MAL2: variants seen among roughly 807,000 people sequenced by gnomAD.
The protein encoded by MAL2 is mal, T cell differentiation protein 2, also known as protein MAL2.
A neutral mutation model predicts 18.1 loss-of-function variants in MAL2; 17 were observed. The observed-to-expected ratio is 0.94, with a 90% CI of 0.64 to 1.41. The LOEUF (loss-of-function observed/expected upper bound fraction) is 1.41, where lower values mean the gene tolerates loss of function less well. Among genes scored for constraint, MAL2 ranks in the 40% most tolerant of loss-of-function variants. The pLI is 0.00. For synonymous variants in MAL2, 102 were observed against 102.3 expected, an observed-to-expected ratio of 1.00 and a Z score of 0.02; for missense variants, 222 against 231.9, an observed-to-expected ratio of 0.96 and a Z score of 0.28.
intron 2 of MAL2, among the ~76,000 whole-genome samples, chr8:119,235,736 C>T (rs1817874579): frequency 6.7e-6 from 1 of 149,104 alleles, no homozygotes; most frequent in Non-Finnish European, 1.5e-5. Context: ...TACAGACAAG[C>T]AAATGCTGAG....
rs1193188305 is a variant in MAL2, at chr8:119,236,804, G to A, written c.304-3361G>A. ...ACCCATTCAAAGCAGTGTGTAGAGGGAAATTTATAACACTAAATGCCCACA... is the reference window on the plus strand; with the variant it reads ...ACCCATTCAAAGCAGTGTGTAGAGGAAAATTTATAACACTAAATGCCCACA... On this transcript the variant is annotated intron_variant, in intron 2 of 3. Transcript: ENST00000614891. Among the ~76,000 whole-genome samples the A allele has an allele frequency of 7.3e-5, 11 of 151,342 alleles. No individual in the cohort carries two copies. In the East Asian group the frequency reaches 2.1e-3, roughly 29 times the overall value.
At chr8:119,243,280 C>A (rs905920323) in intron 3 of MAL2, 137 bp from the exon 4 acceptor site, 262 of 444,942 alleles carry the variant, frequency 5.9e-4, no homozygotes, top group South Asian at 2.4e-3. Flanking sequence ...AAAAAAAAAA[C>A]AATGTAAAAT....
intron 1 of MAL2, among the ~76,000 whole-genome samples, chr8:119,219,466 A>G (rs1250228941): frequency 2.0e-5 from 3 of 151,966 alleles, no homozygotes; most frequent in Non-Finnish European, 4.4e-5. Context: ...TCACATGAGC[A>G]CTAGCTTGTT....
At chr8:119,234,111 G>T (rs564208371) in intron 2 of MAL2, among the ~76,000 whole-genome samples, 6 of 152,198 alleles carry the variant, frequency 3.9e-5, no homozygotes, top group African/African-American at 1.2e-4. Context: ...CGCACCGTGC[G>T]CGAGCCGAAG....
At chr8:119,217,415 C>CTG (rs1228021155) in intron 1 of MAL2, among the ~76,000 whole-genome samples, 1 of 152,186 alleles carries the variant, frequency 6.6e-6, no homozygotes, top group Non-Finnish European at 1.5e-5. Context: ...CCGGGAGATG[C>CTG]TGATACCTAC....
At chr8:119,234,056 T>C (rs1197428050) in intron 2 of MAL2, among the ~76,000 whole-genome samples, 1 of 152,106 alleles carries the variant, frequency 6.6e-6, no homozygotes, top group African/African-American at 2.4e-5. Context: ...ACCGGGTTCA[T>C]CTCACTAGGG....
At chr8:119,237,079 A>G (rs1817920088) in intron 2 of MAL2, among the ~76,000 whole-genome samples, 1 of 152,226 alleles carries the variant, frequency 6.6e-6, no homozygotes, top group African/African-American at 2.4e-5. Context: ...AGAATCAAAT[A>G]GACACAATAA....
At chr8:119,217,018 G>GT (rs1817367785) in intron 1 of MAL2, among the ~76,000 whole-genome samples, 1 of 152,218 alleles carries the variant, frequency 6.6e-6, no homozygotes, top group Non-Finnish European at 1.5e-5. Context: ...CAGGAGATGA[G>GT]TTAAGAATCT....
chr8:119,208,888 A>G lies in MAL2; in HGVS notation c.132+284A>G, dbSNP rs1817227783. 2.1e-5 allele frequency: 6 copies of G among 286,938 alleles called. No homozygotes were observed. The highest frequency in any genetic ancestry group is 3.7e-5 in the Non-Finnish European group (6 of 162,308). 17.8% of individuals were successfully genotyped at this position (286,938 alleles called of 1,614,324 possible). A position where few individuals can be genotyped will look rare whatever the true frequency, so the allele number is the denominator to read the frequency against. ...GGGCCGAACATTGGGGACGTGGAGG[A>G]AAGAAAGGTGTTGGGGCTCAGAGGC... On this transcript the variant is annotated intron_variant, in intron 1 of 3. Transcript: ENST00000614891. This position sits in a 1 kb window ranked among gnomAD's most constrained non-coding sequence, Gnocchi z 4.3.
At chr8:119,212,779 G>A (rs887745125) in intron 1 of MAL2, among the ~76,000 whole-genome samples, 3 of 152,128 alleles carry the variant, frequency 2.0e-5, no homozygotes, top group African/African-American at 7.2e-5. Flanking sequence ...AGACAAGAAG[G>A]ACAATGGCAA....
chr8:119,240,001 TC>T (rs1277343809), intron 2 of MAL2, among the ~76,000 whole-genome samples, 163 bp from the exon 3 acceptor site: 1 of 152,254 alleles, frequency 6.6e-6, no homozygotes, highest in Non-Finnish European at 1.5e-5. Context: ...TCGCTTGGGT[TC>T]TGATAGTCTA....
At chr8:119,241,530 T>G (rs1421777856) in intron 3 of MAL2, among the ~76,000 whole-genome samples, 1 of 152,102 alleles carries the variant, frequency 6.6e-6, no homozygotes, top group East Asian at 1.9e-4. Flanking sequence ...GGAACTTGAA[T>G]TTTTAGTGTT....
intron 1 of MAL2, among the ~76,000 whole-genome samples, chr8:119,212,199 T>A (rs181148852): frequency 1.3e-5 from 2 of 152,350 alleles, no homozygotes; most frequent in Admixed American, 1.3e-4. Context: ...CTGCTCTCAA[T>A]GAGCTTATCT....
intron 1 of MAL2, among the ~76,000 whole-genome samples, chr8:119,217,962 G>C (rs1013749781): frequency 6.6e-5 from 10 of 152,142 alleles, no homozygotes; most frequent in Non-Finnish European, 1.5e-4. Context: ...CCAAGTTTAA[G>C]TTGGAGCCAA....
At chr8:119,233,353 A>G (rs28875182) in intron 2 of MAL2, among the ~76,000 whole-genome samples, 3,464 of 150,492 alleles carry the variant, frequency 0.023, 119 homozygotes, top group African/African-American at 0.08. Flanking sequence ...AAATAGAGAC[A>G]CAAAAAACCC....
intron 2 of MAL2, among the ~76,000 whole-genome samples, chr8:119,228,129 A>T (rs1294744575): frequency 2.0e-5 from 3 of 152,288 alleles, no homozygotes; most frequent in East Asian, 3.9e-4. Context: ...CCTTACTGCC[A>T]TCCTGACTTC....
chr8:119,242,109 C>A (rs929824260), intron 3 of MAL2, among the ~76,000 whole-genome samples: 1 of 152,178 alleles, frequency 6.6e-6, no homozygotes, highest in African/African-American at 2.4e-5. Flanking sequence ...TTTAACGGTG[C>A]AGGCTAGATT....
At position 119,245,641 on chromosome 8, in the gene MAL2, T is replaced by C. The variant is rs1203166512; in HGVS notation, c.*2153T>C. ...GATGAAAAGAAATTTATTTTATACG[T>C]GTTATGTCTCTAATAAAGTATTCAT... is the stretch of plus-strand genomic sequence containing the variant. On this transcript the variant is annotated 3_prime_UTR_variant, in exon 4 of 4. Coordinates refer to ENST00000614891, the MANE Select transcript of MAL2 (RefSeq NM_052886.3). 2 of 148,178 alleles carry C rather than the reference T, an allele frequency of 1.3e-5. No individual in the cohort carries two copies. Among genetic ancestry groups the C allele is most frequent in the African/African-American group, 5.3e-5 (2 of 37,542 alleles). The allele number at this position is 148,178 out of a possible 1,614,324, so 9.2% of individuals were successfully genotyped here.
intron 3 of MAL2, among the ~76,000 whole-genome samples, chr8:119,241,788 G>A (rs529995819): frequency 6.6e-6 from 1 of 151,750 alleles, no homozygotes; most frequent in South Asian, 2.1e-4. Context: ...TTTAACACTT[G>A]CTTATAAAAG....
Sources: allele counts gnomAD v4.1 joint callset (sites outside exome capture counted in the v4.1 genomes callset), GRCh38; gene constraint gnomAD v4.1.1; non-coding constraint Gnocchi (gnomAD v3.1); transcripts MANE v1.5; gene names NCBI Gene and HGNC (gene_info 2026-07-23, HGNC 2026-07-21).